The following PARP8 variants were observed in gnomAD, a reference collection of about 807,000 sequenced individuals.
PARP8 encodes the protein poly(ADP-ribose) polymerase family member 8, also known as protein mono-ADP-ribosyltransferase PARP8.
A neutral mutation model predicts 124.1 loss-of-function variants in PARP8; 51 were observed. That is an observed-to-expected ratio of 0.41 (90% confidence interval 0.33 to 0.52). The LOEUF is 0.52. Ranked by LOEUF, PARP8 falls within the 20% of genes least tolerant of loss-of-function variation. The pLI is 0.21. For synonymous variants in PARP8, 391 were observed against 361.5 expected (o/e 1.08, Z -0.93); for missense variants, 860 against 1,018.9 (o/e 0.84, Z 2.12).
Position 50,795,125 on chromosome 5 carries a change from TAAAGTCGC to T in PARP8, c.1138_1145del (p.Lys380Ter). ...GTTAAGTCAGAGGAATGCCTAACTC[TAAAGTCGC>T]ATAGACTATTGACTCGATCTTGTTC... On this transcript the variant is annotated frameshift_variant, in exon 12 of 26. Coordinates refer to ENST00000281631, the MANE Select transcript of PARP8 (RefSeq NM_024615.4). LOFTEE classifies it high-confidence loss of function. 6.2e-7 allele frequency: 1 copy of T among 1,614,206 alleles called. No homozygotes were observed. The highest frequency in any genetic ancestry group is 8.5e-7 in the Non-Finnish European group (1 of 1,180,022).
chr5:50,721,057 A>G (rs542768643), intron 2 of PARP8, among the ~76,000 whole-genome samples: 20 of 150,200 alleles, frequency 1.3e-4, no homozygotes, highest in African/African-American at 4.9e-4. Flanking sequence ...GGAGAAGGTC[A>G]TCTAATGATC....
intron 2 of PARP8, among the ~76,000 whole-genome samples, chr5:50,690,209 A>G (rs1261131491): frequency 1.1e-4 from 16 of 152,066 alleles, no homozygotes; most frequent in Admixed American, 1.0e-3. Flanking sequence ...TTTCCTTACA[A>G]CTAGAAGCTA....
At chr5:50,686,505 A>G (rs973498171) in intron 2 of PARP8, among the ~76,000 whole-genome samples, 1 of 152,136 alleles carries the variant, frequency 6.6e-6, no homozygotes, top group African/African-American at 2.4e-5. Flanking sequence ...GGTCTGGAGG[A>G]CAGTGGCCCA....
chr5:50,778,698 C>A, intron 9 of PARP8, 48 bp downstream of exon 9: 1 of 1,269,080 alleles, frequency 7.9e-7, no homozygotes, highest in Non-Finnish European at 1.1e-6. Flanking sequence ...ATTAGCTGTG[C>A]ACTATGCCTT....
intron 25 of PARP8, among the ~76,000 whole-genome samples, chr5:50,840,038 C>A (rs765769010): frequency 1.3e-4 from 19 of 151,730 alleles, no homozygotes; most frequent in Non-Finnish European, 2.5e-4. Context: ...TCTTGTAGGA[C>A]AGATGATGGG....
At chr5:50,727,690 A>G (rs746712655) in intron 2 of PARP8, among the ~76,000 whole-genome samples, 7 of 152,142 alleles carry the variant, frequency 4.6e-5, no homozygotes, top group Non-Finnish European at 8.8e-5. Flanking sequence ...AAGGCTGAAA[A>G]AGTGAAAATT....
intron 2 of PARP8, among the ~76,000 whole-genome samples, chr5:50,733,895 C>G (rs1199028911): frequency 6.6e-6 from 1 of 152,128 alleles, no homozygotes; most frequent in Non-Finnish European, 1.5e-5. Flanking sequence ...GTTTCTGGTA[C>G]GTTCTCAAAT....
intron 2 of PARP8, among the ~76,000 whole-genome samples, chr5:50,749,069 C>T (rs72753772): frequency 6.6e-6 from 1 of 152,222 alleles, no homozygotes; most frequent in Admixed American, 6.5e-5. Flanking sequence ...CTTATGATAA[C>T]TGTTTTAACA....
intron 14 of PARP8, among the ~76,000 whole-genome samples, chr5:50,802,679 G>T (rs570163226): frequency 6.6e-6 from 1 of 151,960 alleles, no homozygotes; most frequent in African/African-American, 2.4e-5. Context: ...GTGGAAGTAC[G>T]TGTAATTGCT....
At chr5:50,722,585 T>C (rs137911412) in intron 2 of PARP8, among the ~76,000 whole-genome samples, 1 of 152,242 alleles carries the variant, frequency 6.6e-6, no homozygotes, top group African/African-American at 2.4e-5. Context: ...TAGTATTACC[T>C]AATGTCATAT....
chr5:50,666,920 C>CTCCCCCTCCTCCTCCTCCTCT lies in PARP8; in HGVS notation c.-176_-175insTCCCCCTCCTCCTCCTCCTCT. 7.3e-7 allele frequency: 1 copy of CTCCCCCTCCTCCTCCTCCTCT among 1,365,756 alleles called. No homozygotes were observed. 84.6% of individuals were successfully genotyped at this position (1,365,756 alleles called of 1,614,324 possible). A position where few individuals can be genotyped will look rare whatever the true frequency, so the allele number is the denominator to read the frequency against. Reference sequence around the variant, plus strand: ...CGACCTCCCCCTCCTCCTCCTCCTCCCCCTCCTCCTCCTCCTCTTCTCTCA... The same window carrying CTCCCCCTCCTCCTCCTCCTCT: ...CGACCTCCCCCTCCTCCTCCTCCTCCTCCCCCTCCTCCTCCTCCTCTCCCTCCTCCTCCTCCTCTTCTCTCA... On this transcript the variant is annotated 5_prime_UTR_variant, in exon 1 of 26. Transcript: ENST00000281631.
chr5:50,741,665 A>G (rs1215658812), intron 2 of PARP8, among the ~76,000 whole-genome samples: 1 of 152,242 alleles, frequency 6.6e-6, no homozygotes, highest in Non-Finnish European at 1.5e-5. Context: ...TTAAAAAATT[A>G]CCAAAATAAG....
chr5:50,788,685 A>G, intron 10 of PARP8, 96 bp downstream of exon 10: 1 of 1,034,938 alleles, frequency 9.7e-7, no homozygotes, highest in South Asian at 1.5e-5. Flanking sequence ...CTATTCAGTA[A>G]GAACTTTTTG....
In PARP8 at chr5:50,788,575, A is replaced by G; in HGVS notation, c.723A>G (p.Gly241=). The change falls in exon 10 of 26, where the codon GGA becomes GGG. Residue 241 remains glycine (G), a synonymous_variant. Transcript: ENST00000281631. ...QISTKERFGL[G]HQLKKIMQTF... ...CCACAAAAGAGCGATTTGGATTGGGACATCAGCTGAAAAAGTAAGTTTGCT... is the reference window on the plus strand; with the variant it reads ...CCACAAAAGAGCGATTTGGATTGGGGCATCAGCTGAAAAAGTAAGTTTGCT... 6.2e-7 allele frequency: 1 copy of G among 1,612,708 alleles called. No individual in the cohort carries two copies. Among genetic ancestry groups the G allele is most frequent in the South Asian group, 1.1e-5 (1 of 90,988 alleles).
intron 14 of PARP8, among the ~76,000 whole-genome samples, chr5:50,802,263 G>T (rs1442489054): frequency 6.6e-6 from 1 of 151,996 alleles, no homozygotes; most frequent in Non-Finnish European, 1.5e-5. Flanking sequence ...TTGCTCTAGG[G>T]ATTACAATTA....
chr5:50,730,705 T>G (rs1212229696), intron 2 of PARP8, among the ~76,000 whole-genome samples: 3 of 152,220 alleles, frequency 2.0e-5, no homozygotes, highest in Admixed American at 2.0e-4. Flanking sequence ...CATTAGTTGA[T>G]GGAATATTTA....
chr5:50,725,195 G>T (rs1415547658), intron 2 of PARP8, among the ~76,000 whole-genome samples: 2 of 151,388 alleles, frequency 1.3e-5, no homozygotes, highest in African/African-American at 4.9e-5. Context: ...CTCATTAGTT[G>T]ATGGGCACTT....
intron 10 of PARP8, among the ~76,000 whole-genome samples, chr5:50,791,425 A>G (rs940995690): frequency 1.3e-5 from 2 of 152,202 alleles, no homozygotes; most frequent in African/African-American, 2.4e-5. Context: ...TTGACTCCAA[A>G]TCAGTACTTA....
At chr5:50,800,647 A>C (rs1331424267) in intron 14 of PARP8, among the ~76,000 whole-genome samples, 1 of 151,120 alleles carries the variant, frequency 6.6e-6, no homozygotes, top group Non-Finnish European at 1.5e-5. Flanking sequence ...TTGTTTTTCT[A>C]TGTCTCTTGA....
Sources: gnomAD v4.1 joint callset for allele counts (sites outside exome capture counted in the v4.1 genomes callset) on GRCh38, gnomAD v4.1.1 for gene constraint, MANE v1.5 for transcripts, NCBI Gene and HGNC (gene_info 2026-07-23, HGNC 2026-07-21) for gene names.